FARSB: variants seen among roughly 807,000 people sequenced by gnomAD.
FARSB encodes phenylalanine--tRNA ligase beta subunit.
Under a neutral mutation model 69.6 loss-of-function variants are expected in FARSB, and 40 were observed. That is an observed-to-expected ratio of 0.57 (90% CI 0.45 to 0.75). The LOEUF (loss-of-function observed/expected upper bound fraction) is 0.75. FARSB is among the 30% of genes least tolerant of loss of function. The pLI is 0.00. For synonymous variants in FARSB, 235 were observed against 247.2 expected, an observed-to-expected ratio of 0.95 and a Z score of 0.46; for missense variants, 632 against 722.9, an observed-to-expected ratio of 0.87 and a Z score of 1.44.
At chr2:222,574,073 T>A (rs1197343151) in intron 16 of FARSB, among the ~76,000 whole-genome samples, 3 of 152,230 alleles carry the variant, frequency 2.0e-5, no homozygotes, top group Non-Finnish European at 4.4e-5. Context: ...AAGCCAGATG[T>A]GCTAGTTCTA....
chr2:222,572,013 A>C lies in FARSB; in HGVS notation c.1628T>G (p.Phe543Cys). 6.2e-7 allele frequency: 1 copy of C among 1,609,660 alleles called. No individual in the cohort carries two copies. Among genetic ancestry groups the C allele is most frequent in the Non-Finnish European group, 8.5e-7 (1 of 1,178,920 alleles). ...YVIKASEGPA[F>C]FPGRCAEIFA... ...GATCTCTGCACATCGCCCGGGGAAG[A>C]AAGCAGGCCCTGAAAAAGAGAAAGT... The change falls in exon 17 of 17, where the codon TTC becomes TGC. Residue 543 changes from phenylalanine to cysteine, a missense_variant. Physicochemically the swap from Phe to Cys is radical, Grantham distance 205. Transcript: ENST00000281828.
chr2:222,612,570 G>T (rs1330200918), intron 15 of FARSB, among the ~76,000 whole-genome samples: 7 of 152,208 alleles, frequency 4.6e-5, no homozygotes, highest in African/African-American at 9.7e-5. Flanking sequence ...TGAGAATAAG[G>T]TCTCTGCTTT....
At chr2:222,591,130 C>T (rs1228817545) in intron 16 of FARSB, among the ~76,000 whole-genome samples, 2 of 151,034 alleles carry the variant, frequency 1.3e-5, no homozygotes, top group Non-Finnish European at 1.5e-5. Flanking sequence ...TCACTTTTGC[C>T]TAGGAGTTGG....
chr2:222,634,663 T>A (rs976862217), intron 5 of FARSB, 122 bp from the exon 6 acceptor site: 12 of 669,536 alleles, frequency 1.8e-5, no homozygotes, highest in Admixed American at 7.1e-5. Flanking sequence ...ATATTTTTTT[T>A]AATTATTTCA....
chr2:222,584,336 C>T (rs906207096), intron 16 of FARSB, among the ~76,000 whole-genome samples: 1 of 152,156 alleles, frequency 6.6e-6, no homozygotes, highest in Non-Finnish European at 1.5e-5. Context: ...CCATCCAATT[C>T]CCCCCAAAAA....
intron 15 of FARSB, 27 bp from the exon 16 acceptor site, chr2:222,600,110 A>G: frequency 6.3e-7 from 1 of 1,583,330 alleles, no homozygotes; most frequent in Middle Eastern, 1.7e-4. Context: ...ACTGGTCACA[A>G]CGCTGTATTA....
intron 16 of FARSB, among the ~76,000 whole-genome samples, chr2:222,588,393 C>T (rs1690176372): frequency 6.6e-6 from 1 of 152,196 alleles, no homozygotes; most frequent in African/African-American, 2.4e-5. Flanking sequence ...GACAAACTCA[C>T]AGCCAATATC....
At chr2:222,615,490 C>T (rs139178595) in intron 14 of FARSB, among the ~76,000 whole-genome samples, 3 of 152,356 alleles carry the variant, frequency 2.0e-5, no homozygotes, top group African/African-American at 7.2e-5. Context: ...CCCTCAACCC[C>T]TGCTGCTTCC....
At chr2:222,611,788 C>G (rs1690859916) in intron 15 of FARSB, among the ~76,000 whole-genome samples, 1 of 152,138 alleles carries the variant, frequency 6.6e-6, no homozygotes, top group South Asian at 2.1e-4. Context: ...GCACCACTAC[C>G]CAGGACTAAA....
chr2:222,591,294 C>T (rs967058795), intron 16 of FARSB, among the ~76,000 whole-genome samples: 6 of 151,778 alleles, frequency 4.0e-5, no homozygotes, highest in Admixed American at 2.0e-4. Context: ...CTTTTTAAGT[C>T]GGTGTTAATG....
intron 16 of FARSB, among the ~76,000 whole-genome samples, chr2:222,590,132 T>C (rs1374510477): frequency 6.6e-6 from 1 of 152,050 alleles, no homozygotes; most frequent in Non-Finnish European, 1.5e-5. Context: ...CCATCAATGA[T>C]AGACTGGATT....
intron 14 of FARSB, among the ~76,000 whole-genome samples, chr2:222,615,997 G>T (rs1690986570): frequency 6.6e-6 from 1 of 152,088 alleles, no homozygotes; most frequent in East Asian, 1.9e-4. Context: ...TTATAGATAT[G>T]CCTTATTTGC....
At chr2:222,602,685 C>A (rs1334340853) in intron 15 of FARSB, among the ~76,000 whole-genome samples, 3 of 151,290 alleles carry the variant, frequency 2.0e-5, no homozygotes, top group African/African-American at 7.3e-5. Flanking sequence ...AGGTTTGTTA[C>A]ATATGTATAC....
rs1053362242 is a variant in FARSB, at chr2:222,569,645, G to C, written c.*2226C>G. On this transcript the variant is annotated 3_prime_UTR_variant, in exon 17 of 17. Coordinates refer to ENST00000281828, the MANE Select transcript of FARSB (RefSeq NM_005687.5). ...AAAAGTTTTCTCTTAACCCACTGCA[G>C]TCAGTTCTCTTTCCTGAGGTCCTGC... 5.3e-5 allele frequency: 8 copies of C among 152,136 alleles called. No individual in the cohort carries two copies. The highest frequency in any genetic ancestry group is 1.7e-4 in the African/African-American group (7 of 41,434). 9.4% of individuals were successfully genotyped at this position (152,136 alleles called of 1,614,324 possible).
chr2:222,583,371 G>A (rs1306845238), intron 16 of FARSB, among the ~76,000 whole-genome samples: 2 of 152,182 alleles, frequency 1.3e-5, no homozygotes, highest in Non-Finnish European at 2.9e-5. Flanking sequence ...TTAATTAAGT[G>A]ATTACAGTGA....
Position 222,568,364 on chromosome 2 carries a change from T to A in FARSB, c.*3507A>T, listed in dbSNP as rs1689664553. 1 of 152,164 alleles carries A rather than the reference T, an allele frequency of 6.6e-6. No homozygotes were observed. Among genetic ancestry groups the A allele is most frequent in the Non-Finnish European group, 1.5e-5 (1 of 68,024 alleles). The allele number at this position is 152,164 out of a possible 1,614,324, so 9.4% of individuals were successfully genotyped here. A position where few individuals can be genotyped will look rare whatever the true frequency, so the allele number is the denominator to read the frequency against. The stretch of plus-strand genomic sequence containing the variant: ...GTAAATAATGCAAATCAGTGAGTGG[T>A]CTGTGGACTCCAAGTCACTCTTTTA... On this transcript the variant is annotated 3_prime_UTR_variant, in exon 17 of 17. Transcript: ENST00000281828. The surrounding 1 kb of genome is among the most constrained non-coding windows in gnomAD (Gnocchi z 4.3).
intron 14 of FARSB, among the ~76,000 whole-genome samples, chr2:222,615,963 T>G (rs1690986061): frequency 6.6e-6 from 1 of 152,196 alleles, no homozygotes; most frequent in Non-Finnish European, 1.5e-5. Context: ...TATAGAAAAC[T>G]TTTCTTAATT....
intron 14 of FARSB, among the ~76,000 whole-genome samples, chr2:222,615,500 C>T (rs376468341): frequency 4.9e-4 from 75 of 152,336 alleles, no homozygotes; most frequent in African/African-American, 1.7e-3. Flanking sequence ...CTGCTGCTTC[C>T]GCAGGCTTAC....
Position 222,613,877 on chromosome 2 carries a change from G to C in FARSB, c.1396C>G (p.Arg466Gly). Residue 466 changes from arginine (R) to glycine (G), a missense_variant, in exon 15 of 17, where the codon CGT becomes GGT. Arg to Gly is a moderately radical substitution (Grantham distance 125). Coordinates refer to ENST00000281828, the MANE Select transcript of FARSB (RefSeq NM_005687.5). ...AGTTTCAGTGGAAGGGGCATCTTACGATTTGCTGCTATGGTCTTCAGGAGG... is the reference window on the plus strand; with the variant it reads ...AGTTTCAGTGGAAGGGGCATCTTACCATTTGCTGCTATGGTCTTCAGGAGG... ...PGLLKTIAAN[R>G]KMPLPLKLFE... 1 of 1,613,800 alleles carries C rather than the reference G, an allele frequency of 6.2e-7. No individual in the cohort carries two copies. Among genetic ancestry groups the C allele is most frequent in the Non-Finnish European group, 8.5e-7 (1 of 1,179,738 alleles).
Sources: allele counts gnomAD v4.1 joint callset (sites outside exome capture counted in the v4.1 genomes callset), GRCh38; gene constraint gnomAD v4.1.1; non-coding constraint Gnocchi (gnomAD v3.1); transcripts MANE v1.5; gene names NCBI Gene and HGNC (gene_info 2026-07-23, HGNC 2026-07-21).